The following ZNF365 variants were observed in gnomAD, a reference collection of about 807,000 sequenced individuals.
The protein encoded by ZNF365 is zinc finger protein 365, also known as protein ZNF365.
In ZNF365, 22 loss-of-function variants were observed where a neutral mutation model predicts 35.0. That is an observed-to-expected ratio of 0.63 (90% CI 0.45 to 0.90). The LOEUF (loss-of-function observed/expected upper bound fraction) is 0.90. Among genes scored for constraint, ZNF365 ranks in the 40% least tolerant of loss-of-function variants. The pLI is 0.00. For missense variants in ZNF365, 448 were observed against 500.3 expected, an observed-to-expected ratio of 0.90 and a Z score of 1.00; for synonymous variants, 188 against 196.2, an observed-to-expected ratio of 0.96 and a Z score of 0.35.
rs776087887 is a variant in ZNF365 at position 62,399,663 on chromosome 10, G to A, written c.1098G>A (p.Gln366=). The change falls in exon 5 of 5, where the codon CAG becomes CAA. Residue 366 remains glutamine, a synonymous_variant. Coordinates refer to ENST00000395254, the MANE Select transcript of ZNF365 (RefSeq NM_014951.3). ...SMQPAKAIHE[Q]AESSRDLCRP... Reference sequence around the variant, plus strand: ...AGCCTGCCAAGGCCATTCACGAACAGGCTGAGTCCTCAAGAGACCTCTGCA... The same window carrying A: ...AGCCTGCCAAGGCCATTCACGAACAAGCTGAGTCCTCAAGAGACCTCTGCA... 3.1e-6 allele frequency: 5 copies of A among 1,614,102 alleles called. No homozygotes were observed. Among genetic ancestry groups the A allele is most frequent in the Non-Finnish European group, 4.2e-6 (5 of 1,180,032 alleles).
intron 3 of ZNF365, among the ~76,000 whole-genome samples, chr10:62,430,739 G>A (rs950206721): frequency 9.8e-5 from 15 of 152,288 alleles, no homozygotes; most frequent in Middle Eastern, 3.4e-3. Context: ...AGAGACATTG[G>A]CTATGTTTCC....
intron 4 of ZNF365, among the ~76,000 whole-genome samples, chr10:62,469,430 A>T (rs1271595037): frequency 6.6e-6 from 1 of 152,172 alleles, no homozygotes; most frequent in Non-Finnish European, 1.5e-5. Context: ...TTAGTAATGT[A>T]AAAAAAGACT....
intron 4 of ZNF365, among the ~76,000 whole-genome samples, chr10:62,473,099 T>C (rs1841071170): frequency 6.6e-6 from 1 of 152,264 alleles, no homozygotes. Context: ...TTCTGTGTAA[T>C]CTCAGCTCTC....
At chr10:62,466,993 A>C (rs995501511) in intron 4 of ZNF365, among the ~76,000 whole-genome samples, 3 of 152,072 alleles carry the variant, frequency 2.0e-5, no homozygotes, top group Non-Finnish European at 2.9e-5. Flanking sequence ...ATAGAGATGG[A>C]GTTTTGTCTG....
At chr10:62,465,291 C>A (rs1227281612) in intron 4 of ZNF365, among the ~76,000 whole-genome samples, 1 of 152,202 alleles carries the variant, frequency 6.6e-6, no homozygotes. Context: ...TGGGCACTGA[C>A]AAGTGTGAGA....
chr10:62,453,200 G>A (rs1375599698), intron 3 of ZNF365, among the ~76,000 whole-genome samples: 1 of 152,142 alleles, frequency 6.6e-6, no homozygotes, highest in African/African-American at 2.4e-5. Flanking sequence ...TTTTGTAGTG[G>A]TAAAGTCAGG....
At chr10:62,380,107 G>T (rs943568259) in intron 2 of ZNF365, among the ~76,000 whole-genome samples, 5 of 152,172 alleles carry the variant, frequency 3.3e-5, no homozygotes, top group African/African-American at 1.2e-4. Context: ...GGCTGCTTCT[G>T]CCCTGAGGCC....
intron 3 of ZNF365, among the ~76,000 whole-genome samples, chr10:62,395,430 CT>C: frequency 6.6e-6 from 1 of 151,412 alleles, no homozygotes; most frequent in Non-Finnish European, 1.5e-5. Context: ...CTCTGCCTCC[CT>C]GGTTCAAGCG....
At chr10:62,443,919 T>C (rs746199387) in intron 3 of ZNF365, among the ~76,000 whole-genome samples, 4 of 152,204 alleles carry the variant, frequency 2.6e-5, no homozygotes, top group Non-Finnish European at 4.4e-5. Context: ...GATTACAGTC[T>C]TGAACTTTTG....
At chr10:62,403,653 A>G (rs1003288813), downstream of ZNF365, among the ~76,000 whole-genome samples, 1 of 152,066 alleles carries the variant, frequency 6.6e-6, no homozygotes, top group Non-Finnish European at 1.5e-5. Flanking sequence ...GTGAGACTCC[A>G]TCTCAAAAAA....
chr10:62,471,858 A>C (rs1841044594), intron 4 of ZNF365, among the ~76,000 whole-genome samples: 1 of 152,256 alleles, frequency 6.6e-6, no homozygotes, highest in African/African-American at 2.4e-5. Context: ...CACTCTATTC[A>C]GCAGGATACA....
chr10:62,427,007 C>T (rs1840260101), intron 3 of ZNF365, among the ~76,000 whole-genome samples: 1 of 152,282 alleles, frequency 6.6e-6, no homozygotes, highest in South Asian at 2.1e-4. Flanking sequence ...TAATGGACCA[C>T]ATATATGACA....
intron 3 of ZNF365, among the ~76,000 whole-genome samples, chr10:62,440,255 G>C (rs1191383916): frequency 6.7e-6 from 1 of 149,170 alleles, no homozygotes; most frequent in Admixed American, 6.7e-5. Context: ...TTTTATTTTA[G>C]GTTCGGGGGT....
chr10:62,377,041 C>T (rs931603583), intron 2 of ZNF365, 105 bp downstream of exon 2: 3 of 1,397,088 alleles, frequency 2.1e-6, no homozygotes, highest in East Asian at 4.7e-5. Flanking sequence ...TTTGCAGGTG[C>T]CTTGACTGCA....
chr10:62,454,999 C>T (rs1447196706), intron 3 of ZNF365, among the ~76,000 whole-genome samples: 1 of 152,060 alleles, frequency 6.6e-6, no homozygotes, highest in East Asian at 1.9e-4. Flanking sequence ...GAATGTTCCT[C>T]CTTGTGGTTT....
intron 3 of ZNF365, among the ~76,000 whole-genome samples, chr10:62,395,137 G>T (rs2132424484): frequency 6.6e-6 from 1 of 152,144 alleles, no homozygotes; most frequent in Non-Finnish European, 1.5e-5. Context: ...TCACTAAGCT[G>T]GGCCAAAGAT....
chr10:62,419,610 C>T (rs1046461517), intron 3 of ZNF365, among the ~76,000 whole-genome samples: 1 of 151,872 alleles, frequency 6.6e-6, no homozygotes, highest in African/African-American at 2.4e-5. Context: ...AGCTATTGAG[C>T]GTGGATTTTA....
At chr10:62,461,667 T>A (rs920150676) in intron 4 of ZNF365, among the ~76,000 whole-genome samples, 2 of 152,254 alleles carry the variant, frequency 1.3e-5, no homozygotes, top group Admixed American at 1.3e-4. Flanking sequence ...CACAGCTTGC[T>A]GTAGAATTTT....
chr10:62,419,391 G>A (rs10822000), intron 3 of ZNF365, among the ~76,000 whole-genome samples: 92,861 of 151,252 alleles, frequency 0.61, 29,153 homozygotes, highest in East Asian at 0.84. Flanking sequence ...TAATTTAAAG[G>A]GTTTATTTGA....
Sources: allele counts gnomAD v4.1 joint callset (sites outside exome capture counted in the v4.1 genomes callset), GRCh38; gene constraint gnomAD v4.1.1; transcripts MANE v1.5; gene names NCBI Gene and HGNC (gene_info 2026-07-23, HGNC 2026-07-21).